Variants in SAMD13 observed in about 807,000 individuals in gnomAD.
SAMD13 encodes the protein sterile alpha motif domain containing 13, also known as sterile alpha motif domain-containing protein 13.
Under a neutral mutation model 12.4 loss-of-function variants are expected in SAMD13, and 9 were observed. That is an observed-to-expected ratio of 0.72 (90% CI 0.44 to 1.26). SAMD13 has a LOEUF of 1.26. Ranked by LOEUF, SAMD13 falls within the 50% of genes most tolerant of loss-of-function variation. The pLI is 0.00. For synonymous variants in SAMD13, 46 were observed against 45.4 expected, an observed-to-expected ratio of 1.01 and a Z score of -0.05; for missense variants, 84 against 119.6, an observed-to-expected ratio of 0.70 and a Z score of 1.39.
chr1:84,326,318 G>A (rs1319635997), intron 3 of SAMD13, among the ~76,000 whole-genome samples: 1 of 152,148 alleles, frequency 6.6e-6, no homozygotes, highest in African/African-American at 2.4e-5. Context: ...ACATCAGACT[G>A]TCAATAACTT....
At position 84,345,789 on chromosome 1, in the gene SAMD13, A is replaced by T. The variant is rs531951757; in HGVS notation, c.166-3842A>T. Reference sequence around the variant, plus strand: ...TAGCTTCAATTCAGAGTTACCTAGTATAGATTAATGCTGGCAGAGAGAATG... The same window carrying T: ...TAGCTTCAATTCAGAGTTACCTAGTTTAGATTAATGCTGGCAGAGAGAATG... On this transcript the variant is annotated intron_variant, in intron 3 of 3. Transcript: ENST00000394834. Among the ~76,000 whole-genome samples, 4 of 152,334 alleles carry T rather than the reference A, an allele frequency of 2.6e-5. No individual in the cohort carries two copies. The South Asian group carries it at 6.2e-4, about 24-fold the overall frequency.
intron 3 of SAMD13, among the ~76,000 whole-genome samples, chr1:84,331,696 C>T (rs1316881259): frequency 6.6e-6 from 1 of 151,822 alleles, no homozygotes; most frequent in Non-Finnish European, 1.5e-5. Flanking sequence ...AGAAAGCAGC[C>T]AAGAAAATTG....
At chr1:84,326,457 G>A (rs1167730541) in intron 3 of SAMD13, among the ~76,000 whole-genome samples, 1 of 152,120 alleles carries the variant, frequency 6.6e-6, no homozygotes, top group East Asian at 1.9e-4. Context: ...ATTAGAAAGA[G>A]GGAGAAAGTG....
intron 3 of SAMD13, among the ~76,000 whole-genome samples, chr1:84,339,269 T>C (rs1385250255): frequency 6.6e-6 from 1 of 152,156 alleles, no homozygotes; most frequent in Admixed American, 6.5e-5. Flanking sequence ...TTTTGTTTTG[T>C]TTTTTGTTTT....
chr1:84,331,395 T>C (rs967344166), intron 3 of SAMD13, among the ~76,000 whole-genome samples: 4 of 138,902 alleles, frequency 2.9e-5, no homozygotes, highest in Non-Finnish European at 6.2e-5. Flanking sequence ...AACTTAAACA[T>C]CATTAGCTTT....
intron 2 of SAMD13, among the ~76,000 whole-genome samples, chr1:84,318,744 A>C (rs1036379982): frequency 6.6e-6 from 1 of 152,182 alleles, no homozygotes; most frequent in East Asian, 1.9e-4. Context: ...CTGAAACTAA[A>C]ATTCATTCCT....
intron 2 of SAMD13, among the ~76,000 whole-genome samples, chr1:84,306,067 G>T (rs896999852): frequency 2.0e-5 from 3 of 152,078 alleles, no homozygotes; most frequent in Admixed American, 2.0e-4. Context: ...TCAATTTGAA[G>T]AGAGTTGGTA....
intron 2 of SAMD13, among the ~76,000 whole-genome samples, chr1:84,314,933 T>TTTCC (rs1294624809): frequency 7.9e-5 from 12 of 151,796 alleles, no homozygotes; most frequent in Admixed American, 2.0e-4. Flanking sequence ...TGGTTCTTCT[T>TTTCC]TTCCTTCCTT....
intron 3 of SAMD13, among the ~76,000 whole-genome samples, chr1:84,340,338 T>C (rs953922531): frequency 6.6e-6 from 1 of 152,224 alleles, no homozygotes; most frequent in Non-Finnish European, 1.5e-5. Context: ...TATTGCATAA[T>C]TCCACTTACA....
rs919761641 is a variant in SAMD13, at chr1:84,341,415, G to A, written c.166-8216G>A. On this transcript the variant is annotated intron_variant, in intron 3 of 3. Coordinates refer to ENST00000394834, the MANE Select transcript of SAMD13 (RefSeq NM_001134663.2). ...AATGACCAAGGATAACAAAAGAACA[G>A]TTGAGGTATTCTACTGGCCAGCTGA... Among the ~76,000 whole-genome samples the A allele has an allele frequency of 5.3e-5, 8 of 152,186 alleles. No homozygotes were observed. The South Asian group carries it at 1.7e-3, about 31-fold the overall frequency.
intron 2 of SAMD13, among the ~76,000 whole-genome samples, chr1:84,305,221 G>T (rs998251198): frequency 2.6e-5 from 4 of 152,098 alleles, no homozygotes; most frequent in African/African-American, 9.7e-5. Flanking sequence ...ATTATATCAG[G>T]TGTTTTATGT....
chr1:84,325,103 A>C (rs1208969250), intron 2 of SAMD13, among the ~76,000 whole-genome samples: 3 of 152,200 alleles, frequency 2.0e-5, no homozygotes, highest in Non-Finnish European at 4.4e-5. Flanking sequence ...GGAGGTTATG[A>C]CTAAAACACA....
At chr1:84,316,869 G>T (rs1031680830) in intron 2 of SAMD13, among the ~76,000 whole-genome samples, 2 of 152,082 alleles carry the variant, frequency 1.3e-5, no homozygotes, top group South Asian at 2.1e-4. Flanking sequence ...GCATTTGTTT[G>T]TGTCTTCTTT....
chr1:84,309,988 T>G (rs1558439754), intron 2 of SAMD13, among the ~76,000 whole-genome samples: 1 of 152,294 alleles, frequency 6.6e-6, no homozygotes, highest in East Asian at 1.9e-4. Context: ...TTGGTATTTT[T>G]TCTAGTGTTA....
chr1:84,304,442 CTAGTT>C (rs1678516711), intron 2 of SAMD13, among the ~76,000 whole-genome samples: 1 of 152,126 alleles, frequency 6.6e-6, no homozygotes, highest in African/African-American at 2.4e-5. Flanking sequence ...TGAAATGTGA[CTAGTT>C]TAAGTAAGAA....
chr1:84,306,828 C>CAAAATA (rs1415026042), intron 2 of SAMD13, among the ~76,000 whole-genome samples: 1 of 36,790 alleles, frequency 2.7e-5, no homozygotes, highest in African/African-American at 7.4e-5. Flanking sequence ...GACTCCGTCT[C>CAAAATA]AAAATAATAA....
intron 2 of SAMD13, among the ~76,000 whole-genome samples, chr1:84,320,846 C>T (rs927076032): frequency 1.2e-4 from 18 of 152,102 alleles, no homozygotes; most frequent in African/African-American, 3.9e-4. Flanking sequence ...AGTGGAAATA[C>T]AATTGATGAA....
At chr1:84,334,883 A>G (rs2101812910) in intron 3 of SAMD13, among the ~76,000 whole-genome samples, 1 of 152,056 alleles carries the variant, frequency 6.6e-6, no homozygotes, top group South Asian at 2.1e-4. Flanking sequence ...TTACTGATAT[A>G]TATTTTTATT....
chr1:84,339,660 T>G (rs372927567), intron 3 of SAMD13, among the ~76,000 whole-genome samples: 1 of 152,220 alleles, frequency 6.6e-6, no homozygotes, highest in African/African-American at 2.4e-5. Flanking sequence ...TGCTTGCTCA[T>G]GCATGCCAGC....
Sources: gnomAD v4.1 joint callset for allele counts (sites outside exome capture counted in the v4.1 genomes callset) on GRCh38, gnomAD v4.1.1 for gene constraint, MANE v1.5 for transcripts, NCBI Gene and HGNC (gene_info 2026-07-23, HGNC 2026-07-21) for gene names.